Variants in KMO observed in about 807,000 individuals in gnomAD.
KMO encodes kynurenine 3-monooxygenase, also known as kynurenine 3-hydroxylase.
In KMO, 24 loss-of-function variants were observed where a neutral mutation model predicts 57.8. The observed-to-expected ratio is 0.42, with a 90% CI of 0.30 to 0.58. The LOEUF (loss-of-function observed/expected upper bound fraction) is 0.58, where lower values mean the gene tolerates loss of function less well. Ranked by LOEUF, KMO falls within the 20% of genes least tolerant of loss-of-function variation. KMO has a pLI of 0.22. For synonymous variants in KMO, 210 were observed against 193.6 expected, an observed-to-expected ratio of 1.08 and a Z score of -0.70; for missense variants, 483 against 588.2, an observed-to-expected ratio of 0.82 and a Z score of 1.85.
At chr1:241,588,899 T>G in intron 12 of KMO, 69 bp downstream of exon 12, 1 of 1,193,248 alleles carries the variant, frequency 8.4e-7, no homozygotes, top group South Asian at 1.2e-5. Flanking sequence ...TTCTTTTCTT[T>G]TTCTTTGCTT....
At chr1:241,534,558 T>C in intron 1 of KMO, among the ~76,000 whole-genome samples, 1 of 152,256 alleles carries the variant, frequency 6.6e-6, no homozygotes, top group East Asian at 1.9e-4. Context: ...ATTCCTATTG[T>C]CATTTTGTGC....
At chr1:241,555,766 ATGAAGAG>A (rs1398762219) in intron 5 of KMO, 106 bp downstream of exon 5, 5 of 702,020 alleles carry the variant, frequency 7.1e-6, no homozygotes, top group Non-Finnish European at 1.3e-5. Flanking sequence ...TTTATGGGTT[ATGAAGAG>A]CAAGACTATG....
At chr1:241,548,740 C>T in intron 1 of KMO, 89 bp from the exon 2 acceptor site, 1 of 745,618 alleles carries the variant, frequency 1.3e-6, no homozygotes, top group Non-Finnish European at 2.3e-6. Flanking sequence ...GCTAGTAAAA[C>T]ATAGCCTCAC....
intron 1 of KMO, among the ~76,000 whole-genome samples, chr1:241,533,771 C>G (rs556677500): frequency 1.2e-4 from 18 of 152,126 alleles, no homozygotes; most frequent in Non-Finnish European, 2.2e-4. Context: ...ATGAAAGAAA[C>G]GAAAACAGGG....
At chr1:241,541,027 T>C (rs536871177) in intron 1 of KMO, among the ~76,000 whole-genome samples, 1 of 152,290 alleles carries the variant, frequency 6.6e-6, no homozygotes, top group Admixed American at 6.5e-5. Context: ...CAGCCTTGCA[T>C]GCCTGCCTGG....
chr1:241,534,204 T>C (rs973481504), intron 1 of KMO, among the ~76,000 whole-genome samples: 6 of 152,236 alleles, frequency 3.9e-5, no homozygotes, highest in Non-Finnish European at 8.8e-5. Flanking sequence ...AGGAACATTT[T>C]AAGATGACAA....
intron 2 of KMO, among the ~76,000 whole-genome samples, chr1:241,549,466 T>C (rs1325202541): frequency 6.6e-6 from 1 of 151,950 alleles, no homozygotes; most frequent in African/African-American, 2.4e-5. Context: ...AAAACGCTTT[T>C]CTTAAAAAAA....
intron 1 of KMO, among the ~76,000 whole-genome samples, chr1:241,541,081 T>C (rs975870440): frequency 6.6e-6 from 1 of 151,972 alleles, no homozygotes; most frequent in African/African-American, 2.4e-5. Flanking sequence ...AAAAAGAAGA[T>C]GACTAGTTCT....
chr1:241,580,259 T>C (rs1662699040), intron 10 of KMO, among the ~76,000 whole-genome samples: 1 of 152,214 alleles, frequency 6.6e-6, no homozygotes, highest in South Asian at 2.1e-4. Context: ...TATCTCTACA[T>C]AGTCTCTACA....
intron 11 of KMO, among the ~76,000 whole-genome samples, chr1:241,587,051 C>G (rs1166014665): frequency 6.6e-6 from 1 of 152,082 alleles, no homozygotes; most frequent in Non-Finnish European, 1.5e-5. Context: ...TAGGTAACAC[C>G]CTCTGCCTGC....
Position 241,594,972 on chromosome 1 carries a change from A to T in KMO, c.*2819A>T. The T allele has an allele frequency of 3.1e-6, 1 of 322,842 alleles. No individual in the cohort carries two copies. Among genetic ancestry groups the T allele is most frequent in the East Asian group, 5.9e-5 (1 of 17,044 alleles). The allele number at this position is 322,842 out of a possible 1,614,324, so 20.0% of individuals were successfully genotyped here. On this transcript the variant is annotated 3_prime_UTR_variant, in exon 15 of 15. Coordinates refer to ENST00000366559, the MANE Select transcript of KMO (RefSeq NM_003679.5). ...ACACACTTTCTATGAGGGCAGGTAC[A>T]ACTATTAAGAGATTTTGAACATTAA...
chr1:241,548,810 A>C lies in KMO; in HGVS notation c.55-19A>C. 6.9e-7 allele frequency: 1 copy of C among 1,453,866 alleles called. No individual in the cohort carries two copies. Among genetic ancestry groups the C allele is most frequent in the South Asian group, 1.2e-5 (1 of 86,062 alleles). 90.1% of individuals were successfully genotyped at this position (1,453,866 alleles called of 1,614,324 possible). A position where few individuals can be genotyped will look rare whatever the true frequency, so the allele number is the denominator to read the frequency against. ...ATTTGTGGAATCAGATAAATATTTA[A>C]TTTTTTTTTAATTTCTAGGTTGGCT... On this transcript the variant is annotated intron_variant, in intron 1 of 14. Transcript: ENST00000366559.
chr1:241,532,813 C>G (rs1660623802), intron 1 of KMO, among the ~76,000 whole-genome samples: 1 of 152,102 alleles, frequency 6.6e-6, no homozygotes, highest in Non-Finnish European at 1.5e-5. Flanking sequence ...ATTTTATCCC[C>G]AAATTGGCTA....
intron 10 of KMO, among the ~76,000 whole-genome samples, chr1:241,583,806 T>C (rs541459830): frequency 3.3e-5 from 5 of 151,346 alleles, no homozygotes; most frequent in South Asian, 4.2e-4. Flanking sequence ...GCTGACCATA[T>C]AGTATTCTGT....
chr1:241,583,120 C>T (rs1386615549), intron 10 of KMO, among the ~76,000 whole-genome samples: 1 of 152,192 alleles, frequency 6.6e-6, no homozygotes, highest in African/African-American at 2.4e-5. Context: ...ATCTCAGTCT[C>T]TTCTCTTTTG....
chr1:241,560,552 T>C (rs986315977), intron 5 of KMO, 113 bp from the exon 6 acceptor site: 41 of 724,202 alleles, frequency 5.7e-5, no homozygotes, highest in Non-Finnish European at 8.5e-5. Flanking sequence ...TACATTGTTA[T>C]GAATAAAATT....
rs938785043 is a variant in KMO, at chr1:241,594,210, G to A, written c.*2057G>A. The A allele has an allele frequency of 4.4e-6, 2 of 456,754 alleles. No individual in the cohort carries two copies. Among genetic ancestry groups the A allele is most frequent in the Non-Finnish European group, 7.7e-6 (2 of 261,118 alleles). 28.3% of individuals were successfully genotyped at this position (456,754 alleles called of 1,614,324 possible). ...TAGATGCCCATCGTGTGCCACAAGT[G>A]GTTTTTTCATTATGTAAAGCACCCG... On this transcript the variant is annotated 3_prime_UTR_variant, in exon 15 of 15. Transcript: ENST00000366559.
chr1:241,587,311 G>A (rs75885265), intron 11 of KMO, among the ~76,000 whole-genome samples: 377 of 152,310 alleles, frequency 2.5e-3, no homozygotes, highest in South Asian at 4.3e-3. Context: ...GAGCTTGGGC[G>A]GTAATGCCAT....
rs189777356 is a variant in KMO at position 241,588,196 on chromosome 1, A to G, written c.1016-552A>G. On this transcript the variant is annotated intron_variant, in intron 11 of 14. Transcript: ENST00000366559. The stretch of plus-strand genomic sequence containing the variant: ...GAATAATTTCTATAAAGTTTTAAAA[A>G]GAAAAAAAAAGCCTACCGTAAAGTA... Among the ~76,000 whole-genome samples, 124 of 152,204 alleles carry G rather than the reference A, an allele frequency of 8.1e-4. 1 individual carries two copies. The highest frequency in any genetic ancestry group is 7.0e-3 in the Admixed American group (107 of 15,274).
Sources: allele counts gnomAD v4.1 joint callset (sites outside exome capture counted in the v4.1 genomes callset), GRCh38; gene constraint gnomAD v4.1.1; transcripts MANE v1.5; gene names NCBI Gene and HGNC (gene_info 2026-07-23, HGNC 2026-07-21).